Variants in NDUFS4 observed in about 807,000 individuals in gnomAD.
The protein encoded by NDUFS4 is NADH dehydrogenase [ubiquinone] iron-sulfur protein 4, mitochondrial.
In NDUFS4, 28 loss-of-function variants were observed where a neutral mutation model predicts 24.3. That is an observed-to-expected ratio of 1.15 (90% CI 0.85 to 1.58). The LOEUF is 1.58. NDUFS4 is among the 40% of genes most tolerant of loss of function. The probability of loss-of-function intolerance (pLI) is 0.00; values close to 1 mark genes in which losing one functional copy is unlikely to be tolerated. For synonymous variants in NDUFS4, 93 were observed against 69.7 expected, an observed-to-expected ratio of 1.34 and a Z score of -1.67; for missense variants, 223 against 207.9, an observed-to-expected ratio of 1.07 and a Z score of -0.45.
intron 2 of NDUFS4, among the ~76,000 whole-genome samples, chr5:53,621,725 G>A (rs1202258902): frequency 3.4e-5 from 4 of 117,602 alleles, no homozygotes; most frequent in Non-Finnish European, 4.9e-5. Context: ...TTTTTGAGAC[G>A]GAGTTTCGCT....
At chr5:53,604,679 G>A (rs965706419) in intron 2 of NDUFS4, 1 of 449,092 alleles carries the variant, frequency 2.2e-6, no homozygotes, top group Non-Finnish European at 4.5e-6. Flanking sequence ...ATCCTAACAT[G>A]GTCTTTGACG....
chr5:53,661,253 A>G (rs1003053853), intron 4 of NDUFS4, among the ~76,000 whole-genome samples: 2 of 152,226 alleles, frequency 1.3e-5, no homozygotes, highest in African/African-American at 4.8e-5. Context: ...TTTCTTAAAT[A>G]GGGAATCCTT....
chr5:53,646,312 A>G lies in NDUFS4; in HGVS notation c.257A>G (p.Asn86Ser), dbSNP rs1751861569. 2 of 1,613,608 alleles carry G rather than the reference A, an allele frequency of 1.2e-6. No homozygotes were observed. The highest frequency in any genetic ancestry group is 2.7e-5 in the African/African-American group (2 of 74,894). ...AGGATCTTTGTTCCTGCTCGCAATA[A>G]CATGCAGTCTGGAGTAAACAACACA... ...KVRIFVPARN[N>S]MQSGVNNTKK... The change falls in exon 3 of 5, where the codon AAC becomes AGC. Residue 86 changes from asparagine (N) to serine (S), a missense_variant. Physicochemically the swap from Asn to Ser is conservative, Grantham distance 46. Transcript: ENST00000296684.
chr5:53,568,476 C>G (rs376179911), intron 1 of NDUFS4, among the ~76,000 whole-genome samples: 40 of 152,128 alleles, frequency 2.6e-4, no homozygotes, highest in African/African-American at 9.6e-4. Flanking sequence ...AACAAAAATT[C>G]TTCCATTTTT....
At chr5:53,657,896 G>T (rs1752209729) in intron 3 of NDUFS4, among the ~76,000 whole-genome samples, 1 of 148,656 alleles carries the variant, frequency 6.7e-6, no homozygotes, top group Admixed American at 6.8e-5. Flanking sequence ...CTGTACTCCA[G>T]CCTGGGCGAC....
At chr5:53,667,577 ATAG>A (rs1161614629) in intron 4 of NDUFS4, among the ~76,000 whole-genome samples, 3 of 152,074 alleles carry the variant, frequency 2.0e-5, no homozygotes, top group African/African-American at 7.2e-5. Flanking sequence ...GGGTAGGTAA[ATAG>A]TAGTGAAGGA....
intron 2 of NDUFS4, among the ~76,000 whole-genome samples, chr5:53,638,131 T>C (rs1445990613): frequency 6.6e-6 from 1 of 152,108 alleles, no homozygotes; most frequent in Non-Finnish European, 1.5e-5. Flanking sequence ...ATTTTTGAAA[T>C]GTCAATTTAT....
chr5:53,568,195 G>A (rs1749099741), intron 1 of NDUFS4, among the ~76,000 whole-genome samples: 1 of 152,010 alleles, frequency 6.6e-6, no homozygotes, highest in African/African-American at 2.4e-5. Flanking sequence ...GTACTCACTA[G>A]ACTTAATTTT....
intron 2 of NDUFS4, among the ~76,000 whole-genome samples, chr5:53,636,074 G>C (rs750069123): frequency 2.6e-5 from 4 of 152,100 alleles, no homozygotes; most frequent in Non-Finnish European, 5.9e-5. Flanking sequence ...TAAAGAGATG[G>C]GGTCTCACTG....
intron 1 of NDUFS4, among the ~76,000 whole-genome samples, chr5:53,579,135 T>G (rs1749476847): frequency 6.6e-6 from 1 of 152,350 alleles, no homozygotes; most frequent in East Asian, 1.9e-4. Context: ...CTTGAAAGAT[T>G]CTTCCCTTGA....
chr5:53,581,551 C>T (rs1749567495), intron 1 of NDUFS4, among the ~76,000 whole-genome samples: 1 of 152,086 alleles, frequency 6.6e-6, no homozygotes. Flanking sequence ...TCTCTCTTTT[C>T]TGTAATTAAG....
intron 1 of NDUFS4, among the ~76,000 whole-genome samples, chr5:53,574,199 G>A (rs1458356125): frequency 2.0e-5 from 3 of 152,032 alleles, no homozygotes; most frequent in East Asian, 1.9e-4. Context: ...TCACCTTTAC[G>A]TATAATGTTA....
chr5:53,598,027 G>T (rs553725798), intron 1 of NDUFS4, among the ~76,000 whole-genome samples: 5 of 152,044 alleles, frequency 3.3e-5, no homozygotes, highest in Non-Finnish European at 5.9e-5. Flanking sequence ...TGTCATTCGG[G>T]AATTACAAAT....
At chr5:53,569,570 A>T (rs1244564502) in intron 1 of NDUFS4, among the ~76,000 whole-genome samples, 3 of 152,070 alleles carry the variant, frequency 2.0e-5, no homozygotes, top group African/African-American at 7.2e-5. Context: ...CTGCTTCTTG[A>T]TTATCTAGTT....
chr5:53,627,596 C>T (rs1022376638), intron 2 of NDUFS4, among the ~76,000 whole-genome samples: 3 of 152,154 alleles, frequency 2.0e-5, no homozygotes, highest in African/African-American at 7.2e-5. Context: ...AGGTCCTTCA[C>T]ATCCCTTGTA....
intron 1 of NDUFS4, among the ~76,000 whole-genome samples, chr5:53,593,034 T>C (rs142121897): frequency 6.6e-5 from 10 of 152,308 alleles, no homozygotes; most frequent in Admixed American, 1.3e-4. Context: ...TTATCTAGTT[T>C]TGATGTTTGG....
intron 2 of NDUFS4, among the ~76,000 whole-genome samples, chr5:53,613,269 T>C (rs1750753582): frequency 6.6e-6 from 1 of 152,068 alleles, no homozygotes; most frequent in Admixed American, 6.6e-5. Flanking sequence ...GCAGCATTCT[T>C]GTGCAAAAAT....
At chr5:53,629,582 G>C (rs1055633428) in intron 2 of NDUFS4, among the ~76,000 whole-genome samples, 1 of 152,078 alleles carries the variant, frequency 6.6e-6, no homozygotes, top group South Asian at 2.1e-4. Flanking sequence ...GTGCATATAC[G>C]TTTAGGATAG....
chr5:53,680,215 C>T (rs1742348435), intron 4 of NDUFS4, among the ~76,000 whole-genome samples: 1 of 151,962 alleles, frequency 6.6e-6, no homozygotes, highest in African/African-American at 2.4e-5. Flanking sequence ...TATTATAATG[C>T]CTTCCTTATA....
Sources: allele counts gnomAD v4.1 joint callset (sites outside exome capture counted in the v4.1 genomes callset), GRCh38; gene constraint gnomAD v4.1.1; transcripts MANE v1.5; gene names NCBI Gene and HGNC (gene_info 2026-07-23, HGNC 2026-07-21).